The following PRKD3 variants were observed in gnomAD, a reference collection of about 807,000 sequenced individuals.
The protein encoded by PRKD3 is serine/threonine-protein kinase D3.
A neutral mutation model predicts 99.2 loss-of-function variants in PRKD3; 47 were observed. The observed-to-expected ratio is 0.47, with a 90% CI of 0.38 to 0.60. The LOEUF (loss-of-function observed/expected upper bound fraction) is 0.60. Among genes scored for constraint, PRKD3 ranks in the 20% least tolerant of loss-of-function variants. The probability of loss-of-function intolerance (pLI) is 0.00; values close to 1 mark genes in which losing one functional copy is unlikely to be tolerated. For synonymous variants in PRKD3, 392 were observed against 355.4 expected (o/e 1.10, Z -1.16); for missense variants, 1,019 against 1,088.4 (o/e 0.94, Z 0.90).
At chr2:37,274,775 T>G (rs1572647724) in intron 10 of PRKD3, 78 bp from the exon 11 acceptor site, 7 of 1,359,888 alleles carry the variant, frequency 5.1e-6, no homozygotes, top group African/African-American at 4.4e-5. Context: ...GAACCAGAGA[T>G]ATGCATTTCA....
chr2:37,314,480 G>C (rs1204530652), intron 2 of PRKD3, among the ~76,000 whole-genome samples: 2 of 152,154 alleles, frequency 1.3e-5, no homozygotes, highest in Non-Finnish European at 2.9e-5. Context: ...TATTAATGAA[G>C]TAACACTGAT....
chr2:37,268,552 T>C (rs947396692), intron 13 of PRKD3: 3 of 273,398 alleles, frequency 1.1e-5, no homozygotes, highest in African/African-American at 2.3e-5. Context: ...GTAATAGATA[T>C]TGTGAGAGAA....
intron 2 of PRKD3, among the ~76,000 whole-genome samples, chr2:37,305,129 A>C (rs1197566310): frequency 6.6e-6 from 1 of 152,166 alleles, no homozygotes; most frequent in Non-Finnish European, 1.5e-5. Context: ...ATAGAATGAC[A>C]ACTGGGTTTT....
intron 1 of PRKD3, among the ~76,000 whole-genome samples, chr2:37,321,315 CATT>C (rs1410810677): frequency 1.3e-5 from 2 of 152,134 alleles, no homozygotes; most frequent in Non-Finnish European, 2.9e-5. Context: ...AATCTGTCAT[CATT>C]GTTACTGGAA....
chr2:37,259,743 T>G (rs1668262264), intron 15 of PRKD3, 62 bp from the exon 16 acceptor site: 3 of 1,136,804 alleles, frequency 2.6e-6, no homozygotes, highest in Middle Eastern at 2.0e-4. Flanking sequence ...CTCATGTGAC[T>G]CCTTGAATGA....
At position 37,316,430 on chromosome 2, in the gene PRKD3, G is replaced by A. The variant is rs1671660008; in HGVS notation, c.95C>T (p.Pro32Leu). Residue 32 changes from proline (P) to leucine (L), a missense_variant, in exon 2 of 19, where the codon CCT becomes CTT. Physicochemically the swap from Pro to Leu is moderately conservative, Grantham distance 98 (BLOSUM62 -3). Around this residue, in one of 3 missense-constraint regions of PRKD3, gnomAD observed 710 missense variants for 692.7 expected, o/e 1.02. Coordinates refer to ENST00000234179, the MANE Select transcript of PRKD3 (RefSeq NM_005813.6). ...VLPAASPCSSPKTGLSARLSN... is the reference protein window; with the variant it reads ...VLPAASPCSSLKTGLSARLSN... ...GAGTCGGGCAGAGAGTCCCGTCTTA[G>A]GACTTGAACACGGAGAAGCAGCTGG... 6.2e-7 allele frequency: 1 copy of A among 1,614,226 alleles called. No individual in the cohort carries two copies. The highest frequency in any genetic ancestry group is 1.1e-5 in the South Asian group (1 of 91,088).
rs1047373642 is a variant in PRKD3, at chr2:37,321,643, G to GCT, written c.-656+3036_-656+3037dup. On this transcript the variant is annotated intron_variant, in intron 1 of 18. Transcript: ENST00000234179. Reference sequence around the variant, plus strand: ...AGTGACCGAAACAGACATGGCCACTGCTCTCTCTGAAATTCAAAGTGTGAT... The same window carrying GCT: ...AGTGACCGAAACAGACATGGCCACTGCTCTCTCTCTGAAATTCAAAGTGTGAT... Among the ~76,000 whole-genome samples, 3 of 152,176 alleles carry GCT rather than the reference G, an allele frequency of 2.0e-5. No individual in the cohort carries two copies. The South Asian group carries it at 6.2e-4, about 32-fold the overall frequency.
chr2:37,272,844 A>ATAG (rs1491240922), intron 11 of PRKD3, among the ~76,000 whole-genome samples: 1 of 151,408 alleles, frequency 6.6e-6, no homozygotes, highest in African/African-American at 2.4e-5. Flanking sequence ...TTAGCCAGGC[A>ATAG]TAGTGGTGTG....
intron 2 of PRKD3, among the ~76,000 whole-genome samples, chr2:37,304,787 G>A (rs78928612): frequency 0.025 from 3,711 of 151,188 alleles, 168 homozygotes; most frequent in African/African-American, 0.086. Context: ...AATACCAGAG[G>A]AGCTGCTTTA....
intron 2 of PRKD3, among the ~76,000 whole-genome samples, chr2:37,303,591 A>G (rs1460693190): frequency 6.6e-6 from 1 of 152,026 alleles, no homozygotes; most frequent in Non-Finnish European, 1.5e-5. Flanking sequence ...AGCTAGCCAG[A>G]TCCTGCACTC....
In PRKD3 at chr2:37,324,753, C is replaced by A. The variant is rs1465598335; in HGVS notation, c.-728G>T. 5 of 151,242 alleles carry A rather than the reference C, an allele frequency of 3.3e-5. No homozygotes were observed. In the East Asian group the frequency reaches 9.7e-4, roughly 29 times the overall value. 9.4% of individuals were successfully genotyped at this position (151,242 alleles called of 1,614,324 possible). ...AGTACCGGACGAGGCGCCAGCGAGG[C>A]TTCACGCGCCTCGCAGGATCCCGCC... On this transcript the variant is annotated 5_prime_UTR_variant, in exon 1 of 19. Transcript: ENST00000234179.
chr2:37,292,870 C>A, intron 3 of PRKD3: 1 of 253,370 alleles, frequency 3.9e-6, no homozygotes, highest in Non-Finnish European at 7.6e-6. Flanking sequence ...TGGTCTCAAA[C>A]TCCTGAGATA....
chr2:37,319,797 C>T (rs565323637), intron 1 of PRKD3, among the ~76,000 whole-genome samples: 5 of 151,792 alleles, frequency 3.3e-5, no homozygotes, highest in Non-Finnish European at 7.4e-5. Flanking sequence ...AAAATAATGT[C>T]ATGTGATAAA....
chr2:37,277,574 T>G (rs1669638261), intron 9 of PRKD3, among the ~76,000 whole-genome samples: 1 of 152,216 alleles, frequency 6.6e-6, no homozygotes, highest in African/African-American at 2.4e-5. Flanking sequence ...TCCTTCTATC[T>G]CTATTTGTGG....
chr2:37,297,135 G>A (rs1174253280), intron 2 of PRKD3, among the ~76,000 whole-genome samples: 7 of 151,938 alleles, frequency 4.6e-5, no homozygotes, highest in Admixed American at 1.3e-4. Flanking sequence ...AGGTTTTCAC[G>A]CAGGAGTGGA....
chr2:37,314,970 T>A (rs1671595444), intron 2 of PRKD3, among the ~76,000 whole-genome samples: 1 of 144,682 alleles, frequency 6.9e-6, no homozygotes. Flanking sequence ...GCAGCATAGG[T>A]CATTTTCACA....
At chr2:37,262,500 C>T (rs1668540923) in intron 14 of PRKD3, among the ~76,000 whole-genome samples, 1 of 152,116 alleles carries the variant, frequency 6.6e-6, no homozygotes. Context: ...GATCGTTTTC[C>T]AAGCAGCAAA....
chr2:37,277,753 G>T, intron 9 of PRKD3, 113 bp downstream of exon 9: 2 of 1,100,102 alleles, frequency 1.8e-6, no homozygotes, highest in Non-Finnish European at 1.3e-6. Context: ...AAATTGCTGT[G>T]GTGTATATAA....
At position 37,279,827 on chromosome 2, in the gene PRKD3, G is replaced by GA; in HGVS notation, c.1090dup (p.Ser364PhefsTer6). On this transcript the variant is annotated frameshift_variant, in exon 8 of 19. Coordinates refer to ENST00000234179, the MANE Select transcript of PRKD3 (RefSeq NM_005813.6). LOFTEE classifies it high-confidence loss of function. The stretch of plus-strand genomic sequence containing the variant: ...GAAGAACATCTTATCTTCTGGGGGT[G>GA]ATGGCTCTTCTGTGTCATCCAAACC... The GA allele has an allele frequency of 6.2e-7, 1 of 1,613,846 alleles. No homozygotes were observed. The highest frequency in any genetic ancestry group is 8.5e-7 in the Non-Finnish European group (1 of 1,179,886).
Sources: allele counts gnomAD v4.1 joint callset (sites outside exome capture counted in the v4.1 genomes callset), GRCh38; gene constraint gnomAD v4.1.1; regional missense constraint gnomAD v4.1.1; transcripts MANE v1.5; gene names NCBI Gene and HGNC (gene_info 2026-07-23, HGNC 2026-07-21).